PNPLA6: variants seen among roughly 807,000 people sequenced by gnomAD.
PNPLA6 encodes the protein patatin like domain 6, lysophospholipase.
PNPLA6 carries 105 observed loss-of-function variants against 153.7 expected under a neutral mutation model. That is an observed-to-expected ratio of 0.68 (90% CI 0.58 to 0.80). The LOEUF is 0.80. Among genes scored for constraint, PNPLA6 ranks in the 30% least tolerant of loss-of-function variants. The pLI is 0.00. For synonymous variants in PNPLA6, 825 were observed against 822.2 expected, an observed-to-expected ratio of 1.00 and a Z score of -0.06; for missense variants, 1,423 against 1,919.3, an observed-to-expected ratio of 0.74 and a Z score of 4.83.
Position 7,541,636 on chromosome 19 carries a change from C to G in PNPLA6, c.1120C>G (p.Pro374Ala). Residue 374 changes from proline (P) to alanine (A), a missense_variant, in exon 9 of 32, where the codon CCA becomes GCA. Pro to Ala is a conservative substitution (Grantham distance 27). This residue lies in a region of PNPLA6 where 267 missense variants were observed against 255.1 expected (regional missense o/e 1.05). Transcript: ENST00000600737. The surrounding 1 kb of genome is among the most constrained non-coding windows in gnomAD (Gnocchi z 5.2). ...AGCTACAGACGAGCCCAGGGAGACCCCAGGGCGGCCACCCGATCCCACCGG... is the reference window on the plus strand; with the variant it reads ...AGCTACAGACGAGCCCAGGGAGACCGCAGGGCGGCCACCCGATCCCACCGG... ...TSATDEPRET[P>A]GRPPDPTGAP... is the part of the protein sequence containing the mutation. The G allele has an allele frequency of 2.5e-6, 4 of 1,586,864 alleles. No homozygotes were observed. Among genetic ancestry groups the G allele is most frequent in the Non-Finnish European group, 3.4e-6 (4 of 1,167,460 alleles).
At position 7,551,399 on chromosome 19, in the gene PNPLA6, TTC is replaced by T; in HGVS notation, c.2224_2225del (p.Leu742ArgfsTer41). ...CTTATCCACCTACTGAGCCAGAAAA[TTC>T]TAGGGAATTTGCAGCAGCTGCAAGG... On this transcript the variant is annotated frameshift_variant, in exon 18 of 32. Coordinates refer to ENST00000600737, the MANE Select transcript of PNPLA6 (RefSeq NM_001166114.2). LOFTEE classifies it high-confidence loss of function. The T allele has an allele frequency of 6.2e-7, 1 of 1,613,802 alleles. No homozygotes were observed. The highest frequency in any genetic ancestry group is 1.1e-5 in the South Asian group (1 of 91,086).
At chr19:7,554,867 T>C (rs770960818) in intron 21 of PNPLA6, 26 bp from the exon 22 acceptor site, 5 of 1,571,874 alleles carry the variant, frequency 3.2e-6, no homozygotes, top group Non-Finnish European at 4.3e-6. Context: ...GGGCGGCTGG[T>C]GACCTCAGCC....
intron 13 of PNPLA6, among the ~76,000 whole-genome samples, chr19:7,545,604 G>A (rs1467829014): frequency 2.0e-5 from 3 of 152,086 alleles, no homozygotes; most frequent in East Asian, 3.9e-4. Flanking sequence ...ACTGTGTGCT[G>A]CTGGCTGGAC....
At position 7,553,875 on chromosome 19, in the gene PNPLA6, G is replaced by A; in HGVS notation, c.2261G>A (p.Gly754Asp). ...NLQQLQGPFPGSGLGVPPHSE... is the reference protein window; with the variant it reads ...NLQQLQGPFPDSGLGVPPHSE... ...ATCTCATCCATTGGGTTCTTAGCAG[G>A]CTCTGGGTTGGGTGTGCCCCCACAC... Residue 754 changes from glycine to aspartate, a missense_variant and splice_region_variant, in exon 19 of 32, where the codon GGC becomes GAC. By Grantham distance (94) the Gly-to-Asp change is moderately conservative (BLOSUM62 -1). Transcript: ENST00000600737. 4 of 1,614,224 alleles carry A rather than the reference G, an allele frequency of 2.5e-6. No homozygotes were observed. Among genetic ancestry groups the A allele is most frequent in the Non-Finnish European group, 2.5e-6 (3 of 1,180,036 alleles).
chr19:7,544,269 G>A (rs1028251607), intron 13 of PNPLA6, among the ~76,000 whole-genome samples: 18 of 152,160 alleles, frequency 1.2e-4, no homozygotes, highest in African/African-American at 3.9e-4. Flanking sequence ...GTGCCACCAC[G>A]CCTGGCTACT....
rs2023786199 is a variant in PNPLA6 at position 7,554,538 on chromosome 19, C to T, written c.2466-17C>T. 1 of 1,613,932 alleles carries T rather than the reference C, an allele frequency of 6.2e-7. No homozygotes were observed. Among genetic ancestry groups the T allele is most frequent in the South Asian group, 1.1e-5 (1 of 91,074 alleles). On this transcript the variant is annotated splice_polypyrimidine_tract_variant and intron_variant, in intron 20 of 31. Transcript: ENST00000600737. The stretch of plus-strand genomic sequence containing the variant: ...CCAGGCCAACCCCAGGATGACGCTG[C>T]CCCCTTCCCACCCTAGCATCCAAGA...
chr19:7,557,409 C>T, intron 27 of PNPLA6, 125 bp downstream of exon 27: 1 of 716,284 alleles, frequency 1.4e-6, no homozygotes, highest in Non-Finnish European at 2.5e-6. Context: ...TGCAGGGGTG[C>T]AGACACACAT....
In PNPLA6 at chr19:7,554,198, C is replaced by T. The variant is rs756209420; in HGVS notation, c.2402-11C>T. The T allele has an allele frequency of 6.2e-7, 1 of 1,613,746 alleles. No individual in the cohort carries two copies. Among genetic ancestry groups the T allele is most frequent in the Non-Finnish European group, 8.5e-7 (1 of 1,179,616 alleles). ...CATGGTTCCCAGCCTCCCTTCCCCACCTACCCCTAGGTCCGACGCTACTCC... is the reference window on the plus strand; with the variant it reads ...CATGGTTCCCAGCCTCCCTTCCCCATCTACCCCTAGGTCCGACGCTACTCC... On this transcript the variant is annotated splice_polypyrimidine_tract_variant and intron_variant, in intron 19 of 31. Transcript: ENST00000600737.
At chr19:7,538,989 G>C (rs2022999018) in intron 3 of PNPLA6, among the ~76,000 whole-genome samples, 1 of 152,178 alleles carries the variant, frequency 6.6e-6, no homozygotes, top group Non-Finnish European at 1.5e-5. Flanking sequence ...ATGCCTAGTG[G>C]AGGGGCCATC....
chr19:7,561,368 T>C, intron 31 of PNPLA6, 51 bp downstream of exon 31: 2 of 1,465,320 alleles, frequency 1.4e-6, no homozygotes, highest in Non-Finnish European at 1.9e-6. Context: ...GGGTCATGAG[T>C]ACAGTGTCAG....
At chr19:7,545,183 C>T (rs1049218761) in intron 13 of PNPLA6, among the ~76,000 whole-genome samples, 3 of 152,122 alleles carry the variant, frequency 2.0e-5, no homozygotes, top group Non-Finnish European at 2.9e-5. Flanking sequence ...CGTGCCACCA[C>T]GCCTGGCTAA....
Position 7,550,749 on chromosome 19 carries a change from C to A in PNPLA6, c.2070+109C>A. The A allele has an allele frequency of 9.3e-6, 13 of 1,392,746 alleles. No homozygotes were observed. In the South Asian group the frequency reaches 1.6e-4, roughly 17 times the overall value. 86.3% of individuals were successfully genotyped at this position (1,392,746 alleles called of 1,614,324 possible). A position where few individuals can be genotyped will look rare whatever the true frequency, so the allele number is the denominator to read the frequency against. ...AGGGAGTGGTGAATGCAGCTCCCGA[C>A]CTCTGAGGTCACCCAGTCCACTCCC... On this transcript the variant is annotated intron_variant, in intron 16 of 31. Transcript: ENST00000600737.
At position 7,555,312 on chromosome 19, in the gene PNPLA6, G is replaced by A; in HGVS notation, c.2881G>A (p.Ala961Thr). The A allele has an allele frequency of 6.3e-7, 1 of 1,583,270 alleles. No individual in the cohort carries two copies. Among genetic ancestry groups the A allele is most frequent in the Non-Finnish European group, 8.6e-7 (1 of 1,164,324 alleles). ...ADRHSDFSRLARVLTGNTIAL... is the reference protein window; with the variant it reads ...ADRHSDFSRLTRVLTGNTIAL... The stretch of plus-strand genomic sequence containing the variant: ...CCGGCACAGCGACTTCTCCCGCTTG[G>A]CGAGGGTGCTCACGGGGAACACCAT... The change falls in exon 23 of 32, where the codon GCG (alanine) becomes ACG (threonine). Residue 961 changes from alanine (A) to threonine (T), a missense_variant. This residue lies in a region of PNPLA6 where 643 missense variants were observed against 835.2 expected (regional missense o/e 0.77). Transcript: ENST00000600737. This position sits in a 1 kb window ranked among gnomAD's most constrained non-coding sequence, Gnocchi z 6.3.
chr19:7,545,219 G>T (rs893741409), intron 13 of PNPLA6, among the ~76,000 whole-genome samples: 2 of 151,988 alleles, frequency 1.3e-5, no homozygotes, highest in Admixed American at 1.3e-4. Context: ...TAGAGATGGG[G>T]TTTCACCATG....
chr19:7,540,128 C>T lies in PNPLA6; in HGVS notation c.555-21C>T, dbSNP rs373136941. ...GGCCGCCCTGACCTCCAGCCTCTGTCGCCCACCGCCTGTCCAACAGGGTGC... is the reference window on the plus strand; with the variant it reads ...GGCCGCCCTGACCTCCAGCCTCTGTTGCCCACCGCCTGTCCAACAGGGTGC... On this transcript the variant is annotated intron_variant, in intron 4 of 31. Coordinates refer to ENST00000600737, the MANE Select transcript of PNPLA6 (RefSeq NM_001166114.2). This position sits in a 1 kb window ranked among gnomAD's most constrained non-coding sequence, Gnocchi z 6.8. 1.3e-4 allele frequency: 214 copies of T among 1,613,128 alleles called. 2 individuals carry two copies. The highest frequency in any genetic ancestry group is 5.6e-4 in the South Asian group (51 of 91,084).
intron 13 of PNPLA6, among the ~76,000 whole-genome samples, chr19:7,545,444 A>G (rs1422145100): frequency 6.6e-6 from 1 of 152,142 alleles, no homozygotes; most frequent in African/African-American, 2.4e-5. Flanking sequence ...GGTACCAGAC[A>G]GGTTGGTGTG....
At position 7,543,094 on chromosome 19, in the gene PNPLA6, A is replaced by AC; in HGVS notation, c.1608+14dup. 6.2e-7 allele frequency: 1 copy of AC among 1,609,918 alleles called. No homozygotes were observed. Among genetic ancestry groups the AC allele is most frequent in the Non-Finnish European group, 8.5e-7 (1 of 1,176,468 alleles). On this transcript the variant is annotated intron_variant, in intron 13 of 31. Coordinates refer to ENST00000600737, the MANE Select transcript of PNPLA6 (RefSeq NM_001166114.2). ...CCGCCAGGGAGACCAGGTGAGGCTG[A>AC]CCCCTGACCTGTAACCATGCCACCT...
Position 7,539,805 on chromosome 19 carries a change from G to A in PNPLA6, c.414-113G>A, listed in dbSNP as rs906505149. 16 of 663,794 alleles carry A rather than the reference G, an allele frequency of 2.4e-5. No individual in the cohort carries two copies. The South Asian group carries it at 2.5e-4, about 10-fold the overall frequency. 41.1% of individuals were successfully genotyped at this position (663,794 alleles called of 1,614,324 possible). On this transcript the variant is annotated intron_variant, in intron 3 of 31. Transcript: ENST00000600737. ...AGGTGGCCAGCCTGATTTGGCCAGC[G>A]GGCCAGAGTTTGCTGTACATGAGCC...
At chr19:7,546,465 C>G (rs2023390677) in intron 13 of PNPLA6, among the ~76,000 whole-genome samples, 1 of 151,946 alleles carries the variant, frequency 6.6e-6, no homozygotes, top group South Asian at 2.1e-4. Context: ...CCAGTCTCTA[C>G]AAAAAACAAA....
Sources: allele counts gnomAD v4.1 joint callset (sites outside exome capture counted in the v4.1 genomes callset), GRCh38; gene constraint gnomAD v4.1.1; regional missense constraint gnomAD v4.1.1; non-coding constraint Gnocchi (gnomAD v3.1); transcripts MANE v1.5; gene names NCBI Gene and HGNC (gene_info 2026-07-23, HGNC 2026-07-21).